The following CPHXL2 variants were observed in gnomAD, a reference collection of about 807,000 sequenced individuals.
The protein encoded by CPHXL2 is cytoplasmic polyadenylated homeobox like 2.
the CPHXL2 span, among the ~76,000 whole-genome samples, chr16:75,672,024 C>G: frequency 0.064 from 9,765 of 151,732 alleles, 406 homozygotes; most frequent in Non-Finnish European, 0.095. Flanking sequence ...GTAATCCCAG[C>G]ACTTTGGGAG....
At chr16:75,660,863 G>C in the CPHXL2 span, 23 of 398,544 alleles carry the variant, frequency 5.8e-5, no homozygotes, top group East Asian at 2.5e-4. Flanking sequence ...CCAAAGCATA[G>C]CCTGGATGCT....
the CPHXL2 span, among the ~76,000 whole-genome samples, chr16:75,664,443 T>C: frequency 6.6e-6 from 1 of 152,092 alleles, no homozygotes; most frequent in South Asian, 2.1e-4. Flanking sequence ...CTGACCAACA[T>C]GGAGAAACCC....
At chr16:75,673,580 C>CACCTAGGGCCTAACTATAGGGCCTA in the CPHXL2 span, among the ~76,000 whole-genome samples, 7 of 152,284 alleles carry the variant, frequency 4.6e-5, no homozygotes, top group Admixed American at 1.3e-4. Flanking sequence ...GTAACCAGCA[C>CACCTAGGGCCTAACTATAGGGCCTA]ACCTAGGGCC....
the CPHXL2 span, among the ~76,000 whole-genome samples, chr16:75,668,374 A>G: frequency 2.0e-5 from 3 of 151,748 alleles, no homozygotes; most frequent in African/African-American, 4.8e-5. Flanking sequence ...GATTACAGGC[A>G]CGCACCACCA....
the CPHXL2 span, among the ~76,000 whole-genome samples, chr16:75,670,283 C>T: frequency 6.6e-6 from 1 of 152,000 alleles, no homozygotes; most frequent in Non-Finnish European, 1.5e-5. Flanking sequence ...TAATATACAA[C>T]AGGAAAAACT....
chr16:75,671,820 G>T, the CPHXL2 span, among the ~76,000 whole-genome samples: 1 of 152,170 alleles, frequency 6.6e-6, no homozygotes, highest in Non-Finnish European at 1.5e-5. Context: ...GGAGTACAAA[G>T]TGTGACTGAA....
chr16:75,668,226 TATATA>T, the CPHXL2 span, among the ~76,000 whole-genome samples: 2 of 97,132 alleles, frequency 2.1e-5, no homozygotes, highest in African/African-American at 1.8e-4. Flanking sequence ...TATATATACA[TATATA>T]TTTTTTTTTT....
the CPHXL2 span, among the ~76,000 whole-genome samples, chr16:75,674,846 AG>A: frequency 6.6e-6 from 1 of 151,388 alleles, no homozygotes; most frequent in African/African-American, 2.4e-5. Flanking sequence ...AATAGCTGGG[AG>A]TACTGGCGCA....
At chr16:75,670,074 C>T in the CPHXL2 span, among the ~76,000 whole-genome samples, 2 of 152,034 alleles carry the variant, frequency 1.3e-5, no homozygotes, top group Non-Finnish European at 2.9e-5. Flanking sequence ...GCCACTACGC[C>T]CAGCTAATTG....
the CPHXL2 span, among the ~76,000 whole-genome samples, chr16:75,670,722 C>G: frequency 6.6e-6 from 1 of 152,304 alleles, no homozygotes; most frequent in Admixed American, 6.5e-5. Context: ...ATCTCCAACT[C>G]TTGAGCTCAA....
At chr16:75,670,265 C>A in the CPHXL2 span, among the ~76,000 whole-genome samples, 1 of 152,014 alleles carries the variant, frequency 6.6e-6, no homozygotes, top group Non-Finnish European at 1.5e-5. Flanking sequence ...TTTATTATTT[C>A]ATCACTGTAA....
the CPHXL2 span, among the ~76,000 whole-genome samples, chr16:75,668,840 A>T: frequency 1.3e-5 from 2 of 152,056 alleles, no homozygotes; most frequent in African/African-American, 2.4e-5. Flanking sequence ...TTCTTTTTTT[A>T]AATTTTCCAA....
the CPHXL2 span, among the ~76,000 whole-genome samples, chr16:75,666,457 A>T: frequency 6.6e-6 from 1 of 151,930 alleles, no homozygotes; most frequent in Non-Finnish European, 1.5e-5. Flanking sequence ...GAAAACACAA[A>T]ATTAGCCTGG....
chr16:75,671,719 TGAA>T, the CPHXL2 span, among the ~76,000 whole-genome samples: 1 of 152,160 alleles, frequency 6.6e-6, no homozygotes, highest in East Asian at 1.9e-4. Flanking sequence ...TATTTATGAA[TGAA>T]GTAACTGGTG....
the CPHXL2 span, among the ~76,000 whole-genome samples, chr16:75,675,960 T>A: frequency 1.3e-5 from 2 of 151,984 alleles, no homozygotes; most frequent in African/African-American, 2.4e-5. Flanking sequence ...GCGTCTGTAA[T>A]CCCAGCTACT....
the CPHXL2 span, among the ~76,000 whole-genome samples, chr16:75,664,633 A>AG: frequency 6.6e-6 from 1 of 150,880 alleles, no homozygotes; most frequent in African/African-American, 2.5e-5. Context: ...CTCAAAAAAA[A>AG]AAAAAAAAAG....
chr16:75,666,813 T>C, the CPHXL2 span, among the ~76,000 whole-genome samples: 19 of 152,228 alleles, frequency 1.2e-4, no homozygotes, highest in East Asian at 2.9e-3. Context: ...TTCTCCAAGA[T>C]AGACCATATG....
chr16:75,661,097 C>A, the CPHXL2 span: 1 of 400,732 alleles, frequency 2.5e-6, no homozygotes, highest in Admixed American at 4.4e-5. Flanking sequence ...AGGAAAAACT[C>A]TGCTCTGTGG....
At chr16:75,667,865 A>AGTCT in the CPHXL2 span, among the ~76,000 whole-genome samples, 5 of 152,240 alleles carry the variant, frequency 3.3e-5, no homozygotes, top group Admixed American at 6.5e-5. Flanking sequence ...CTCCTTAGTA[A>AGTCT]AAGGCAATTC....
Sources: allele counts gnomAD v4.1 joint callset (sites outside exome capture counted in the v4.1 genomes callset), GRCh38; gene constraint gnomAD v4.1.1; transcripts MANE v1.5; gene names NCBI Gene and HGNC (gene_info 2026-07-23, HGNC 2026-07-21).